Variants in IQSEC1 observed in about 807,000 individuals in gnomAD.
The protein encoded by IQSEC1 is IQ motif and Sec7 domain ArfGEF 1.
In IQSEC1, 31 loss-of-function variants were observed where a neutral mutation model predicts 91.0. That is an observed-to-expected ratio of 0.34 (90% CI 0.26 to 0.46). IQSEC1 has a LOEUF of 0.46. Among genes scored for constraint, IQSEC1 ranks in the 20% least tolerant of loss-of-function variants. IQSEC1 has a pLI of 1.00. For synonymous variants in IQSEC1, 699 were observed against 662.6 expected, an observed-to-expected ratio of 1.05 and a Z score of -0.84; for missense variants, 1,388 against 1,575.6, an observed-to-expected ratio of 0.88 and a Z score of 2.02.
Position 13,073,209 on chromosome 3 carries a change from G to A in IQSEC1, c.-195C>T. The A allele has an allele frequency of 3.0e-6, 2 of 662,872 alleles. No homozygotes were observed. The highest frequency in any genetic ancestry group is 3.5e-5 in the South Asian group (2 of 56,608). 41.1% of individuals were successfully genotyped at this position (662,872 alleles called of 1,614,324 possible). On this transcript the variant is annotated 5_prime_UTR_variant, in exon 1 of 14. Transcript: ENST00000613206. ...GAGCGGGGGGCGGCGCCAGCAGCGGGCTGTGGAGGGCCCTGGCACGTAGCG... is the reference window on the plus strand; with the variant it reads ...GAGCGGGGGGCGGCGCCAGCAGCGGACTGTGGAGGGCCCTGGCACGTAGCG...
intron 1 of IQSEC1, among the ~76,000 whole-genome samples, chr3:12,980,913 CTT>C (rs1701419732): frequency 1.3e-5 from 2 of 152,348 alleles, no homozygotes; most frequent in Admixed American, 1.3e-4. Context: ...GATCCTGCCT[CTT>C]GACCTCAGGA....
At chr3:12,927,073 C>T (rs1396549845) in intron 3 of IQSEC1, among the ~76,000 whole-genome samples, 1 of 152,178 alleles carries the variant, frequency 6.6e-6, no homozygotes, top group African/African-American at 2.4e-5. Context: ...ACAGCCAAGG[C>T]CAGAGCAGAT....
chr3:13,246,562 A>G (rs1695111463), intron 1 of IQSEC1, among the ~76,000 whole-genome samples: 1 of 152,250 alleles, frequency 6.6e-6, no homozygotes, highest in East Asian at 1.9e-4. Flanking sequence ...AAAACCCCAC[A>G]GTAGTGCAAA....
chr3:13,254,855 G>C (rs2125121339), intron 1 of IQSEC1, among the ~76,000 whole-genome samples: 1 of 152,322 alleles, frequency 6.6e-6, no homozygotes, highest in African/African-American at 2.4e-5. Flanking sequence ...GGGCTGCCCA[G>C]CTTTCCCAGG....
intron 1 of IQSEC1, among the ~76,000 whole-genome samples, chr3:13,240,076 A>T (rs1000010328): frequency 3.1e-4 from 37 of 121,268 alleles, no homozygotes; most frequent in Non-Finnish European, 5.2e-4. Context: ...ACTTTTAATT[A>T]AAAAAAAACA....
intron 1 of IQSEC1, among the ~76,000 whole-genome samples, chr3:13,201,245 C>G (rs1250244955): frequency 6.6e-6 from 1 of 152,226 alleles, no homozygotes; most frequent in Non-Finnish European, 1.5e-5. Context: ...TCCCTCTGTA[C>G]CCACCAGTTC....
chr3:13,035,173 G>T (rs1323516423), intron 1 of IQSEC1, among the ~76,000 whole-genome samples: 2 of 152,212 alleles, frequency 1.3e-5, no homozygotes, highest in African/African-American at 4.8e-5. Context: ...TGCCCTTGGG[G>T]GTACAGAGTA....
intron 2 of IQSEC1, among the ~76,000 whole-genome samples, chr3:12,937,489 AC>A (rs1698306666): frequency 1.3e-5 from 2 of 152,304 alleles, no homozygotes; most frequent in South Asian, 4.1e-4. Flanking sequence ...CTTCAGGGAG[AC>A]CTGTGGGGTT....
At chr3:13,235,667 G>T (rs1034172480) in intron 1 of IQSEC1, among the ~76,000 whole-genome samples, 1 of 152,176 alleles carries the variant, frequency 6.6e-6, no homozygotes, top group African/African-American at 2.4e-5. Context: ...TGGCCCGGGC[G>T]GAGGAAGAAC....
chr3:13,242,068 C>A (rs963660865), intron 1 of IQSEC1, among the ~76,000 whole-genome samples: 50 of 152,158 alleles, frequency 3.3e-4, no homozygotes, highest in Admixed American at 3.3e-3. Flanking sequence ...TTGATAAAAC[C>A]ACCCACACAG....
Position 12,909,501 on chromosome 3 carries a change from G to A in IQSEC1, c.2417-67C>T. On this transcript the variant is annotated intron_variant, in intron 10 of 13. Transcript: ENST00000613206. This position sits in a 1 kb window ranked among gnomAD's most constrained non-coding sequence, Gnocchi z 4.9. ...GTGTGTTCTCTGCAATCTCCTCTCT[G>A]GTCAGGAAACAATGGTAGGGCTGAG... The A allele has an allele frequency of 6.7e-7, 1 of 1,486,824 alleles. No homozygotes were observed. The highest frequency in any genetic ancestry group is 9.3e-7 in the Non-Finnish European group (1 of 1,080,686). 92.1% of individuals were successfully genotyped at this position (1,486,824 alleles called of 1,614,324 possible).
chr3:13,202,807 T>TA (rs537030745), intron 1 of IQSEC1, among the ~76,000 whole-genome samples: 310 of 152,226 alleles, frequency 2.0e-3, no homozygotes, highest in African/African-American at 3.9e-3. Context: ...TGCACCACGA[T>TA]AAAAAAAGCC....
At chr3:13,021,029 T>C (rs994634280) in intron 1 of IQSEC1, among the ~76,000 whole-genome samples, 1 of 152,220 alleles carries the variant, frequency 6.6e-6, no homozygotes. Flanking sequence ...GGACAATCTT[T>C]CAATCCCTTA....
chr3:13,037,777 G>A (rs1323648824), intron 1 of IQSEC1, among the ~76,000 whole-genome samples: 2 of 152,094 alleles, frequency 1.3e-5, no homozygotes, highest in Non-Finnish European at 2.9e-5. Flanking sequence ...AACAAATACT[G>A]TATTGATTCC....
At chr3:12,936,987 C>CAATG (rs1401006870) in intron 2 of IQSEC1, among the ~76,000 whole-genome samples, 1 of 151,568 alleles carries the variant, frequency 6.6e-6, no homozygotes, top group African/African-American at 2.4e-5. Flanking sequence ...GGCTGGAGTG[C>CAATG]AATGGCACAA....
intron 1 of IQSEC1, among the ~76,000 whole-genome samples, chr3:12,944,581 G>C (rs1490973761): frequency 6.6e-6 from 1 of 152,178 alleles, no homozygotes; most frequent in African/African-American, 2.4e-5. Flanking sequence ...TTTGCAGCCC[G>C]AGGGCACATC....
rs1462868391 is a variant in IQSEC1 at position 13,199,957 on chromosome 3, CATACACAT to C, written c.273-35832_273-35825del. ...CACACACACACACACACCATACACA[CATACACAT>C]ACACCACACCACATACATATGCCAC... On this transcript the variant is annotated intron_variant, in intron 1 of 15. Coordinates refer to the IQSEC1 transcript ENST00000648114. 2.0e-5 allele frequency among the ~76,000 whole-genome samples: 3 copies of C among 149,358 alleles called. No homozygotes were observed. In the East Asian group the frequency reaches 5.9e-4, roughly 30 times the overall value.
In IQSEC1 at chr3:12,936,776, T is replaced by C. The variant is rs528096606; in HGVS notation, c.319-79A>G. 158 of 1,374,074 alleles carry C rather than the reference T, an allele frequency of 1.1e-4. No individual in the cohort carries two copies. The South Asian group carries it at 2.1e-3, about 19-fold the overall frequency. 85.1% of individuals were successfully genotyped at this position (1,374,074 alleles called of 1,614,324 possible). A position where few individuals can be genotyped will look rare whatever the true frequency, so the allele number is the denominator to read the frequency against. ...ATTTACCAAACTCCTTCCCACTTCC[T>C]AGCCACGTGGCTGTGCGACCTGGGA... On this transcript the variant is annotated intron_variant, in intron 2 of 13. Coordinates refer to ENST00000613206, the MANE Select transcript of IQSEC1 (RefSeq NM_001134382.3).
intron 1 of IQSEC1, among the ~76,000 whole-genome samples, chr3:13,260,713 C>T (rs1695367805): frequency 6.6e-6 from 1 of 152,198 alleles, no homozygotes; most frequent in Non-Finnish European, 1.5e-5. Context: ...ACCACGATGG[C>T]CAAGAAGCTG....
Sources: allele counts gnomAD v4.1 joint callset (sites outside exome capture counted in the v4.1 genomes callset), GRCh38; gene constraint gnomAD v4.1.1; non-coding constraint Gnocchi (gnomAD v3.1); transcripts MANE v1.5; gene names NCBI Gene and HGNC (gene_info 2026-07-23, HGNC 2026-07-21).